CACNG2: variants seen among roughly 807,000 people sequenced by gnomAD.
The protein encoded by CACNG2 is calcium voltage-gated channel auxiliary subunit gamma 2.
Under a neutral mutation model 25.9 loss-of-function variants are expected in CACNG2, and 3 were observed. The observed-to-expected ratio is 0.12, with a 90% CI of 0.05 to 0.30. The LOEUF (loss-of-function observed/expected upper bound fraction) is 0.30, where lower values mean the gene tolerates loss of function less well. Among genes scored for constraint, CACNG2 ranks in the 10% least tolerant of loss-of-function variants. CACNG2 has a pLI of 1.00. For synonymous variants in CACNG2, 167 were observed against 173.3 expected, an observed-to-expected ratio of 0.96 and a Z score of 0.29; for missense variants, 341 against 432.5, an observed-to-expected ratio of 0.79 and a Z score of 1.88.
chr22:36,567,453 A>T (rs946273236), intron 2 of CACNG2, among the ~76,000 whole-genome samples: 1 of 152,194 alleles, frequency 6.6e-6, no homozygotes, highest in Non-Finnish European at 1.5e-5. Flanking sequence ...AGGAACAGGC[A>T]CATTGCAAAG....
chr22:36,659,941 A>G (rs1316906776), intron 1 of CACNG2, among the ~76,000 whole-genome samples: 1 of 151,912 alleles, frequency 6.6e-6, no homozygotes, highest in Non-Finnish European at 1.5e-5. Flanking sequence ...CTGCCACCAG[A>G]GCTGCAGGGA....
chr22:36,596,638 C>A (rs984829872), intron 1 of CACNG2, among the ~76,000 whole-genome samples: 1 of 152,126 alleles, frequency 6.6e-6, no homozygotes, highest in Non-Finnish European at 1.5e-5. Flanking sequence ...TTTGCTCCTT[C>A]CATTGGCTCT....
At chr22:36,671,489 G>A (rs774979424) in intron 1 of CACNG2, among the ~76,000 whole-genome samples, 3 of 152,112 alleles carry the variant, frequency 2.0e-5, no homozygotes, top group African/African-American at 4.8e-5. Flanking sequence ...TGTGACTGAC[G>A]GGTGACTGCA....
intron 1 of CACNG2, among the ~76,000 whole-genome samples, chr22:36,664,039 T>C (rs924528702): frequency 6.6e-6 from 1 of 152,128 alleles, no homozygotes; most frequent in Non-Finnish European, 1.5e-5. Context: ...CTGGACCACA[T>C]GGCTAAATGC....
chr22:36,589,307 ATG>A (rs367999977), intron 1 of CACNG2, among the ~76,000 whole-genome samples: 3 of 151,762 alleles, frequency 2.0e-5, no homozygotes, highest in South Asian at 2.1e-4. Context: ...ATATATATAT[ATG>A]TGTGTGTGTG....
chr22:36,628,849 G>T (rs1010204861), intron 1 of CACNG2, among the ~76,000 whole-genome samples: 5 of 152,172 alleles, frequency 3.3e-5, no homozygotes, highest in African/African-American at 7.2e-5. Context: ...TCTCAGGAGA[G>T]AGTGGAGAGG....
At chr22:36,626,784 C>G (rs772694507) in intron 1 of CACNG2, among the ~76,000 whole-genome samples, 23 of 152,186 alleles carry the variant, frequency 1.5e-4, no homozygotes, top group South Asian at 2.1e-4. Flanking sequence ...TGTAGCTATA[C>G]ATAGGGAGAT....
chr22:36,569,838 C>T (rs1456362315), intron 2 of CACNG2, among the ~76,000 whole-genome samples: 2 of 152,196 alleles, frequency 1.3e-5, no homozygotes, highest in African/African-American at 4.8e-5. Context: ...CCGCGCCCGG[C>T]CGTTAGATAG....
intron 1 of CACNG2, among the ~76,000 whole-genome samples, chr22:36,640,910 C>T: frequency 6.6e-6 from 1 of 152,136 alleles, no homozygotes; most frequent in East Asian, 1.9e-4. Context: ...TCCATTTCCC[C>T]ACCTCATCCA....
chr22:36,643,606 G>T (rs1936476853), intron 1 of CACNG2, among the ~76,000 whole-genome samples: 1 of 152,042 alleles, frequency 6.6e-6, no homozygotes, highest in Non-Finnish European at 1.5e-5. Context: ...CAGAAGGGAA[G>T]GTCAGGACTG....
At chr22:36,667,015 A>C (rs1329183882) in intron 1 of CACNG2, among the ~76,000 whole-genome samples, 2 of 143,958 alleles carry the variant, frequency 1.4e-5, no homozygotes, top group Non-Finnish European at 3.0e-5. Flanking sequence ...TTTGAGATGG[A>C]GTCTTGCTCT....
At chr22:36,624,331 G>A (rs964995050) in intron 1 of CACNG2, among the ~76,000 whole-genome samples, 3 of 152,150 alleles carry the variant, frequency 2.0e-5, no homozygotes, top group African/African-American at 4.8e-5. Flanking sequence ...CTGCATGCCA[G>A]GCACCCCACA....
chr22:36,633,809 C>T (rs1185674800), intron 1 of CACNG2, among the ~76,000 whole-genome samples: 2 of 152,188 alleles, frequency 1.3e-5, no homozygotes, highest in African/African-American at 4.8e-5. Context: ...CTTGTTAAAG[C>T]AGCAAGCCAG....
At chr22:36,596,949 G>A (rs913574614) in intron 1 of CACNG2, among the ~76,000 whole-genome samples, 3 of 151,844 alleles carry the variant, frequency 2.0e-5, no homozygotes, top group Non-Finnish European at 2.9e-5. Context: ...ATGGGGTCTC[G>A]CCATGTTGCC....
At chr22:36,625,372 G>C (rs557662523) in intron 1 of CACNG2, among the ~76,000 whole-genome samples, 1 of 152,124 alleles carries the variant, frequency 6.6e-6, no homozygotes, top group Non-Finnish European at 1.5e-5. Flanking sequence ...ATCACATTCT[G>C]CCTTGAGGTT....
rs561000825 is a variant in CACNG2, at chr22:36,563,584, C to A, written c.*767G>T. Among the ~76,000 whole-genome samples, 6 of 152,266 alleles carry A rather than the reference C, an allele frequency of 3.9e-5. No individual in the cohort carries two copies. The South Asian group carries it at 8.3e-4, about 21-fold the overall frequency. ...GCCAGGCAAGCCCCAAGTGTACCCC[C>A]CTCCAGGCACCCTAACGGAGAGGAG... On this transcript the variant is annotated 3_prime_UTR_variant, in exon 4 of 4. Coordinates refer to ENST00000300105, the MANE Select transcript of CACNG2 (RefSeq NM_006078.5).
At chr22:36,586,730 C>T (rs1603500907) in intron 2 of CACNG2, among the ~76,000 whole-genome samples, 1 of 151,926 alleles carries the variant, frequency 6.6e-6, no homozygotes, top group Non-Finnish European at 1.5e-5. Context: ...GCCTGAGAAC[C>T]TCGGCTTTGC....
intron 2 of CACNG2, among the ~76,000 whole-genome samples, chr22:36,576,705 A>G (rs1935321670): frequency 6.6e-6 from 1 of 152,082 alleles, no homozygotes; most frequent in African/African-American, 2.4e-5. Context: ...GGTTTGGAGC[A>G]TGGGTTCCAG....
At chr22:36,585,655 T>C (rs185031716) in intron 2 of CACNG2, among the ~76,000 whole-genome samples, 1 of 152,290 alleles carries the variant, frequency 6.6e-6, no homozygotes, top group East Asian at 1.9e-4. Context: ...GCCTAAAATA[T>C]TCAACATCTG....
Sources: allele counts gnomAD v4.1 joint callset (sites outside exome capture counted in the v4.1 genomes callset), GRCh38; gene constraint gnomAD v4.1.1; transcripts MANE v1.5; gene names NCBI Gene and HGNC (gene_info 2026-07-23, HGNC 2026-07-21).